The following KCTD16 variants were observed in gnomAD, a reference collection of about 807,000 sequenced individuals.
The protein encoded by KCTD16 is potassium channel tetramerization domain containing 16, also known as BTB/POZ domain-containing protein KCTD16.
In KCTD16, 13 loss-of-function variants were observed where a neutral mutation model predicts 33.2. The ratio of observed to expected loss-of-function variants is 0.39; its 90% CI spans 0.25 to 0.62. The LOEUF (loss-of-function observed/expected upper bound fraction) is 0.62. Among genes scored for constraint, KCTD16 ranks in the 20% least tolerant of loss-of-function variants. KCTD16 has a pLI of 0.50. For synonymous variants in KCTD16, 197 were observed against 195.3 expected (o/e 1.01, Z -0.07); for missense variants, 441 against 525.1 (o/e 0.84, Z 1.57).
chr5:144,201,718 G>C (rs1395198721), intron 2 of KCTD16, among the ~76,000 whole-genome samples: 1 of 152,204 alleles, frequency 6.6e-6, no homozygotes, highest in African/African-American at 2.4e-5. Context: ...GAGGGATAAC[G>C]ACTGACTGTG....
At chr5:144,429,681 C>T (rs926615613) in intron 3 of KCTD16, among the ~76,000 whole-genome samples, 11 of 152,096 alleles carry the variant, frequency 7.2e-5, no homozygotes, top group African/African-American at 2.6e-4. Context: ...CAGAAAGAAG[C>T]TATTCCTTAA....
chr5:144,339,549 C>T (rs1752575111), intron 3 of KCTD16, among the ~76,000 whole-genome samples: 1 of 152,178 alleles, frequency 6.6e-6, no homozygotes. Context: ...GATTTTACTT[C>T]TCTATGTTAT....
intron 3 of KCTD16, among the ~76,000 whole-genome samples, chr5:144,294,533 A>T (rs1441245390): frequency 6.6e-6 from 1 of 151,800 alleles, no homozygotes; most frequent in Non-Finnish European, 1.5e-5. Flanking sequence ...TGTACTTGTT[A>T]TATTAGCATG....
chr5:144,262,524 A>C (rs988439747), intron 3 of KCTD16, among the ~76,000 whole-genome samples: 2 of 152,358 alleles, frequency 1.3e-5, no homozygotes, highest in South Asian at 4.1e-4. Flanking sequence ...CTAATATCAG[A>C]TGATTTATCA....
In KCTD16 at chr5:144,193,676, T is replaced by G. The variant is rs147879747; in HGVS notation, c.-326-12713T>G. 1.9e-4 allele frequency among the ~76,000 whole-genome samples: 29 copies of G among 152,324 alleles called. No homozygotes were observed. The East Asian group carries it at 3.7e-3, about 19-fold the overall frequency. The stretch of plus-strand genomic sequence containing the variant: ...AAAGAGCTGGTCTACTTTATTCATT[T>G]CTGGATCCCCAACACATAGAGCTTA... On this transcript the variant is annotated intron_variant, in intron 2 of 3. Coordinates refer to ENST00000512467, the MANE Select transcript of KCTD16 (RefSeq NM_020768.4).
At chr5:144,351,159 C>A (rs1751417880) in intron 3 of KCTD16, among the ~76,000 whole-genome samples, 2 of 152,220 alleles carry the variant, frequency 1.3e-5, no homozygotes, top group South Asian at 4.1e-4. Context: ...GACCTTTGAT[C>A]TTTGTCGTTT....
intron 3 of KCTD16, among the ~76,000 whole-genome samples, chr5:144,445,966 T>C (rs1228680152): frequency 6.6e-6 from 1 of 152,026 alleles, no homozygotes; most frequent in East Asian, 1.9e-4. Context: ...CCAGTACATA[T>C]CTGCTGGCTC....
rs899095635 is a variant in KCTD16, at chr5:144,478,615, A to G, written c.*4501A>G. ...CTTGAAGCAGGGCAAAGAAATTTGT[A>G]TTTTGAGCTAGTCTCCTTAATAATT... On this transcript the variant is annotated 3_prime_UTR_variant, in exon 4 of 4. Coordinates refer to ENST00000512467, the MANE Select transcript of KCTD16 (RefSeq NM_020768.4). 3 of 152,088 alleles carry G rather than the reference A, an allele frequency of 2.0e-5. No individual in the cohort carries two copies. The highest frequency in any genetic ancestry group is 7.2e-5 in the African/African-American group (3 of 41,440). The allele number at this position is 152,088 out of a possible 1,614,324, so 9.4% of individuals were successfully genotyped here.
At chr5:144,473,384 A>G (rs907588607) in intron 3 of KCTD16, among the ~76,000 whole-genome samples, 2 of 152,138 alleles carry the variant, frequency 1.3e-5, no homozygotes, top group African/African-American at 4.8e-5. Flanking sequence ...TTAATAAATG[A>G]TGTTAGCTGG....
chr5:144,300,158 T>C (rs558898941), intron 3 of KCTD16, among the ~76,000 whole-genome samples: 6 of 152,140 alleles, frequency 3.9e-5, no homozygotes, highest in Non-Finnish European at 5.9e-5. Flanking sequence ...CCAGAATAGT[T>C]TTTCACTTCT....
chr5:144,359,152 A>G (rs1751645812), intron 3 of KCTD16, among the ~76,000 whole-genome samples: 1 of 152,216 alleles, frequency 6.6e-6, no homozygotes, highest in African/African-American at 2.4e-5. Context: ...ATCGGAAATT[A>G]CATTTCTCCA....
intron 3 of KCTD16, among the ~76,000 whole-genome samples, chr5:144,308,412 T>G (rs1016632231): frequency 6.6e-5 from 10 of 152,208 alleles, no homozygotes; most frequent in Non-Finnish European, 1.5e-4. Context: ...AGATTCTAAT[T>G]TGAACTGGGA....
chr5:144,397,030 C>T (rs1752583161), intron 3 of KCTD16, among the ~76,000 whole-genome samples: 4 of 150,380 alleles, frequency 2.7e-5, no homozygotes, highest in South Asian at 2.1e-4. Context: ...CCCATTAACT[C>T]GTCATTTACA....
intron 3 of KCTD16, among the ~76,000 whole-genome samples, chr5:144,367,288 G>T (rs1266692875): frequency 6.6e-6 from 1 of 151,956 alleles, no homozygotes; most frequent in Non-Finnish European, 1.5e-5. Flanking sequence ...AAGCAGGCTG[G>T]CCAAGAGCAA....
chr5:144,400,549 C>T (rs1294543899), intron 3 of KCTD16, among the ~76,000 whole-genome samples: 1 of 152,070 alleles, frequency 6.6e-6, no homozygotes, highest in Non-Finnish European at 1.5e-5. Flanking sequence ...TAGATTATAA[C>T]ATGATATAGA....
intron 3 of KCTD16, among the ~76,000 whole-genome samples, chr5:144,210,503 A>G (rs1753351614): frequency 6.6e-6 from 1 of 152,186 alleles, no homozygotes; most frequent in Non-Finnish European, 1.5e-5. Context: ...TAAAACAATA[A>G]GAAGGTTTCT....
intron 3 of KCTD16, among the ~76,000 whole-genome samples, chr5:144,275,292 CT>C (rs34630682): frequency 1.3e-5 from 2 of 151,212 alleles, no homozygotes; most frequent in African/African-American, 2.4e-5. Flanking sequence ...TCTGCTCCTC[CT>C]TTTTTTTTGC....
At chr5:144,291,869 A>G (rs950965280) in intron 3 of KCTD16, among the ~76,000 whole-genome samples, 3 of 152,248 alleles carry the variant, frequency 2.0e-5, no homozygotes, top group African/African-American at 7.2e-5. Flanking sequence ...GCATCAACAT[A>G]AATGACAAAT....
chr5:144,360,085 A>G (rs1194975492), intron 3 of KCTD16, among the ~76,000 whole-genome samples: 1 of 152,096 alleles, frequency 6.6e-6, no homozygotes, highest in African/African-American at 2.4e-5. Flanking sequence ...AAAAAGCGTG[A>G]CCATCATTCT....
Sources: gnomAD v4.1 joint callset for allele counts (sites outside exome capture counted in the v4.1 genomes callset) on GRCh38, gnomAD v4.1.1 for gene constraint, MANE v1.5 for transcripts, NCBI Gene and HGNC (gene_info 2026-07-23, HGNC 2026-07-21) for gene names.